The following KLHL35 variants were observed in gnomAD, a reference collection of about 807,000 sequenced individuals.
KLHL35 encodes the protein kelch-like protein 35.
A neutral mutation model predicts 44.0 loss-of-function variants in KLHL35; 50 were observed. The ratio of observed to expected loss-of-function variants is 1.14; its 90% confidence interval spans 0.91 to 1.44. KLHL35 has a LOEUF of 1.44. Ranked by LOEUF, KLHL35 falls within the 40% of genes most tolerant of loss-of-function variation. KLHL35 has a pLI of 0.00. For missense variants in KLHL35, 1,049 were observed against 887.8 expected (o/e 1.18, Z -2.31); for synonymous variants, 470 against 410.4 (o/e 1.15, Z -1.76).
intron 2 of KLHL35, among the ~76,000 whole-genome samples, 169 bp downstream of exon 2, chr11:75,429,580 G>A (rs1366502579): frequency 6.6e-6 from 1 of 152,212 alleles, no homozygotes; most frequent in Non-Finnish European, 1.5e-5. Context: ...CTCCCTCACT[G>A]GCTTGTTAAC....
intron 1 of KLHL35, 131 bp from the exon 2 acceptor site, chr11:75,430,761 G>A: frequency 6.3e-6 from 5 of 795,962 alleles, no homozygotes; most frequent in Non-Finnish European, 8.6e-6. Context: ...TCAGCATCCA[G>A]GTTCCTTACG....
Position 75,428,514 on chromosome 11 carries a change from G to A in KLHL35, c.994C>T (p.Leu332=), listed in dbSNP as rs773585636. ...YHPESQRWTP[L]PSLPGYTRSE... ...CGAGTGTAGCCGGGCAGGCTGGGCAGTGGGGTCCACCGCTGGCTCTCTGGA... is the reference window on the plus strand; with the variant it reads ...CGAGTGTAGCCGGGCAGGCTGGGCAATGGGGTCCACCGCTGGCTCTCTGGA... The change falls in exon 3 of 7, where the codon CTG becomes TTG. Residue 332 remains leucine, a synonymous_variant. Coordinates refer to ENST00000539798, the MANE Select transcript of KLHL35 (RefSeq NM_001039548.3). 3 of 1,612,412 alleles carry A rather than the reference G, an allele frequency of 1.9e-6. No homozygotes were observed. The highest frequency in any genetic ancestry group is 2.5e-6 in the Non-Finnish European group (3 of 1,179,888).
At position 75,422,727 on chromosome 11, in the gene KLHL35, G is replaced by A. The variant is rs773237276; in HGVS notation, c.1605C>T (p.Ile535=). The A allele has an allele frequency of 6.2e-7, 1 of 1,613,860 alleles. No homozygotes were observed. The highest frequency in any genetic ancestry group is 1.3e-5 in the African/African-American group (1 of 74,942). The change falls in exon 7 of 7, where the codon ATC becomes ATT. Residue 535 remains isoleucine, a synonymous_variant. Transcript: ENST00000539798. ...CTCCGCGATCATCCCGCCCGCCAAG[G>A]ATGTGGACCTTCCCGTCACACACAG... ...GVTVCDGKVH[I]LGGRDDRGES...
In KLHL35 at chr11:75,428,048, C is replaced by G. The variant is rs973516928; in HGVS notation, c.1066+394G>C. ...AGATGTGTGTTCCTCCTAGCTTTGC[C>G]ATTTTTGAGACAATGGGGGAAATTC... On this transcript the variant is annotated intron_variant, in intron 3 of 6. Transcript: ENST00000539798. Among the ~76,000 whole-genome samples, 3 of 152,188 alleles carry G rather than the reference C, an allele frequency of 2.0e-5. No homozygotes were observed. In the South Asian group the frequency reaches 6.2e-4, roughly 31 times the overall value.
rs1258613732 is a variant in KLHL35, at chr11:75,425,444, G to A, written c.1323C>T (p.Gly441=). ...TGGCGCCCCCAATCACGAAGAGCTT[G>A]CCCGCGCAGGACGCCACCGCCGCCG... ...VSSAAVASCA[G]KLFVIGGARQ... Residue 441 remains glycine (G), a synonymous_variant, in exon 5 of 7, where the codon GGC becomes GGT. Coordinates refer to ENST00000539798, the MANE Select transcript of KLHL35 (RefSeq NM_001039548.3). 3.2e-6 allele frequency: 5 copies of A among 1,571,136 alleles called. No individual in the cohort carries two copies. The highest frequency in any genetic ancestry group is 3.6e-5 in the Admixed American group (2 of 55,444).
intron 6 of KLHL35, chr11:75,423,052 T>C: frequency 2.3e-6 from 1 of 442,536 alleles, no homozygotes; most frequent in South Asian, 3.7e-5. Context: ...TAACAGTTAA[T>C]GGAAGTTAAG....
At chr11:75,430,830 GA>G (rs1565172704) in intron 1 of KLHL35, among the ~76,000 whole-genome samples, 200 bp from the exon 2 acceptor site, 1 of 152,220 alleles carries the variant, frequency 6.6e-6, no homozygotes, top group Non-Finnish European at 1.5e-5. Context: ...TACCCACTCA[GA>G]CACAGTGCCC....
rs1013523328 is a variant in KLHL35 at position 75,433,200 on chromosome 11, G to C, written c.-159C>G. On this transcript the variant is annotated 5_prime_UTR_variant, in exon 1 of 7. Coordinates refer to ENST00000539798, the MANE Select transcript of KLHL35 (RefSeq NM_001039548.3). Reference sequence around the variant, plus strand: ...TGTTCGCTCGGGCTCAGCTGCGGGAGGACAAAGGGGCTGGACGCCAGGAGG... The same window carrying C: ...TGTTCGCTCGGGCTCAGCTGCGGGACGACAAAGGGGCTGGACGCCAGGAGG... Among the ~76,000 whole-genome samples, 1 of 152,176 alleles carries C rather than the reference G, an allele frequency of 6.6e-6. No individual in the cohort carries two copies. The highest frequency in any genetic ancestry group is 1.5e-5 in the Non-Finnish European group (1 of 68,034).
intron 6 of KLHL35, chr11:75,423,167 C>T (rs976886148): frequency 3.7e-5 from 8 of 214,482 alleles, no homozygotes; most frequent in Non-Finnish European, 7.5e-5. Context: ...AGAAATCTCA[C>T]CTCTAAGGTC....
At position 75,430,296 on chromosome 11, in the gene KLHL35, C is replaced by T. The variant is rs1236427945; in HGVS notation, c.334G>A (p.Gly112Arg). 5 of 1,228,678 alleles carry T rather than the reference C, an allele frequency of 4.1e-6. No homozygotes were observed. The highest frequency in any genetic ancestry group is 5.1e-6 in the Non-Finnish European group (5 of 987,610). 76.1% of individuals were successfully genotyped at this position (1,228,678 alleles called of 1,614,324 possible). A position where few individuals can be genotyped will look rare whatever the true frequency, so the allele number is the denominator to read the frequency against. The change falls in exon 2 of 7, where the codon GGA becomes AGA. Residue 112 changes from glycine (G) to arginine (R), a missense_variant. By Grantham distance (125) the Gly-to-Arg change is moderately radical (BLOSUM62 -2). Transcript: ENST00000539798. ...ALAVVLDYVY[G>R]AGVRLRAEDE... ...TCCGCGCGCAGCCGCACGCCCGCTC[C>T]GTACACGTAGTCGAGCACCACGGCC...
At chr11:75,428,874 T>C (rs956382790) in intron 2 of KLHL35, among the ~76,000 whole-genome samples, 3 of 152,178 alleles carry the variant, frequency 2.0e-5, no homozygotes, top group Non-Finnish European at 2.9e-5. Context: ...AAAAAATCTT[T>C]ACAGAGCCCT....
At chr11:75,430,741 T>G in intron 1 of KLHL35, 111 bp from the exon 2 acceptor site, 2 of 938,436 alleles carry the variant, frequency 2.1e-6, no homozygotes, top group Non-Finnish European at 2.8e-6. Flanking sequence ...TCAGCGACTC[T>G]CCCCTCCGTT....
At chr11:75,429,428 G>T (rs1177124699) in intron 2 of KLHL35, among the ~76,000 whole-genome samples, 1 of 152,180 alleles carries the variant, frequency 6.6e-6, no homozygotes, top group Non-Finnish European at 1.5e-5. Flanking sequence ...TCATTAGACT[G>T]CGAGCTCCCA....
In KLHL35 at chr11:75,428,635, C is replaced by A. The variant is rs1186938227; in HGVS notation, c.882-9G>T. ...CAGCTAGGTCCATGAATCTGGCGTG[C>A]GGATAAGCCCAGTGCCTGTTGGGCC... is the stretch of plus-strand genomic sequence containing the variant. On this transcript the variant is annotated splice_polypyrimidine_tract_variant and intron_variant, in intron 2 of 6. Transcript: ENST00000539798. 1 of 1,568,726 alleles carries A rather than the reference C, an allele frequency of 6.4e-7. No individual in the cohort carries two copies. The highest frequency in any genetic ancestry group is 1.8e-5 in the Admixed American group (1 of 56,774).
At position 75,429,934 on chromosome 11, in the gene KLHL35, G is replaced by T. The variant is rs746796733; in HGVS notation, c.696C>A (p.Arg232=). Residue 232 remains arginine (R), a synonymous_variant, in exon 2 of 7, where the codon CGC becomes CGA. Coordinates refer to ENST00000539798, the MANE Select transcript of KLHL35 (RefSeq NM_001039548.3). ...GCTCCAGCAGGCGTCGCAGCTGGCC[G>T]CGGCGGGCCGGCGCGTCGTGGCGCA... ...RWVRHDAPAR[R]GQLRRLLEHV... is the part of the protein sequence containing the mutation. The T allele has an allele frequency of 6.8e-7, 1 of 1,462,178 alleles. No individual in the cohort carries two copies. Among genetic ancestry groups the T allele is most frequent in the Non-Finnish European group, 9.0e-7 (1 of 1,116,676 alleles). 90.6% of individuals were successfully genotyped at this position (1,462,178 alleles called of 1,614,324 possible). A position where few individuals can be genotyped will look rare whatever the true frequency, so the allele number is the denominator to read the frequency against.
chr11:75,425,039 G>T (rs908602704), intron 5 of KLHL35: 28 of 157,440 alleles, frequency 1.8e-4, no homozygotes, highest in Admixed American at 1.4e-3. Context: ...GTGGGATTAT[G>T]GGTTTTTTTT....
In KLHL35 at chr11:75,430,226, A is replaced by T; in HGVS notation, c.404T>A (p.Val135Glu). ...CACGCAGGCCTCGCGCAGGCCCGCC[A>T]CGCCCAGCCGCTCCGCCAGCGCCAG... The part of the protein sequence containing the change: ...AVLALAERLG[V>E]AGLREACVRF... The change falls in exon 2 of 7, where the codon GTG (valine) becomes GAG (glutamate). Residue 135 changes from valine to glutamate, a missense_variant. Coordinates refer to ENST00000539798, the MANE Select transcript of KLHL35 (RefSeq NM_001039548.3). 4 of 1,220,550 alleles carry T rather than the reference A, an allele frequency of 3.3e-6. No homozygotes were observed. The highest frequency in any genetic ancestry group is 4.1e-6 in the Non-Finnish European group (4 of 977,288). 75.6% of individuals were successfully genotyped at this position (1,220,550 alleles called of 1,614,324 possible). A position where few individuals can be genotyped will look rare whatever the true frequency, so the allele number is the denominator to read the frequency against.
chr11:75,429,144 AT>A (rs984153427), intron 2 of KLHL35, among the ~76,000 whole-genome samples: 1 of 152,228 alleles, frequency 6.6e-6, no homozygotes, highest in African/African-American at 2.4e-5. Context: ...ATTAAGCCGG[AT>A]AACTCACCCT....
chr11:75,430,614 C>T lies in KLHL35; in HGVS notation c.16G>A (p.Ala6Thr), dbSNP rs113618654. 7.9e-6 allele frequency: 11 copies of T among 1,397,810 alleles called. No homozygotes were observed. The highest frequency in any genetic ancestry group is 4.5e-5 in the African/African-American group (3 of 66,098). 86.6% of individuals were successfully genotyped at this position (1,397,810 alleles called of 1,614,324 possible). A position where few individuals can be genotyped will look rare whatever the true frequency, so the allele number is the denominator to read the frequency against. Residue 6 changes from alanine (A) to threonine (T), a missense_variant, in exon 2 of 7, where the codon GCG (alanine) becomes ACG (threonine). Coordinates refer to ENST00000539798, the MANE Select transcript of KLHL35 (RefSeq NM_001039548.3). Reference protein sequence around the residue: MRQGHAPEESEPGCEA... With the variant: MRQGHTPEESEPGCEA... ...CAGCCCGGCTCCGACTCCTCCGGCG[C>T]ATGGCCTTGCCGCATCCTGCCGGGG...
Sources: allele counts gnomAD v4.1 joint callset (sites outside exome capture counted in the v4.1 genomes callset), GRCh38; gene constraint gnomAD v4.1.1; transcripts MANE v1.5; gene names NCBI Gene and HGNC (gene_info 2026-07-23, HGNC 2026-07-21).